The following TANK variants were observed in gnomAD, a reference collection of about 807,000 sequenced individuals.
TANK encodes the protein TRAF family member associated NFKB activator.
TANK carries 15 observed loss-of-function variants against 43.6 expected under a neutral mutation model. The observed-to-expected ratio is 0.34, with a 90% CI of 0.23 to 0.53. TANK has a LOEUF of 0.53. Ranked by LOEUF, TANK falls within the 20% of genes least tolerant of loss-of-function variation. The probability of loss-of-function intolerance (pLI) is 0.94; values close to 1 mark genes in which losing one functional copy is unlikely to be tolerated. For missense variants in TANK, 417 were observed against 498.6 expected (o/e 0.84, Z 1.56); for synonymous variants, 162 against 178.2 (o/e 0.91, Z 0.73).
intron 6 of TANK, among the ~76,000 whole-genome samples, chr2:161,227,431 G>C (rs1009046652): frequency 1.3e-5 from 2 of 152,176 alleles, no homozygotes; most frequent in Admixed American, 6.5e-5. Flanking sequence ...CAAATCTACA[G>C]TTAGGTTGCC....
At chr2:161,189,697 A>T (rs138974829) in intron 2 of TANK, among the ~76,000 whole-genome samples, 20 of 152,350 alleles carry the variant, frequency 1.3e-4, no homozygotes, top group African/African-American at 4.8e-4. Context: ...CAAATTCAGT[A>T]AAGTTACAAA....
intron 1 of TANK, among the ~76,000 whole-genome samples, chr2:161,167,177 T>C (rs1024021049): frequency 5.3e-5 from 8 of 152,250 alleles, no homozygotes; most frequent in African/African-American, 4.8e-5. Flanking sequence ...TAGACCTTAC[T>C]AAAGAATGAC....
chr2:161,179,648 A>G lies in TANK; in HGVS notation c.-15A>G, dbSNP rs375261174. The G allele has an allele frequency of 3.3e-5, 54 of 1,612,688 alleles. No homozygotes were observed. Among genetic ancestry groups the G allele is most frequent in the Non-Finnish European group, 4.3e-5 (51 of 1,179,340 alleles). ...TTACTCCATCCTTTATAGTGATGCT[A>G]CAGGACGAAGAGGAATGGATAAAAA... On this transcript the variant is annotated 5_prime_UTR_variant, in exon 2 of 8. Transcript: ENST00000392749.
At chr2:161,158,523 A>C (rs1684283922), upstream of TANK, among the ~76,000 whole-genome samples, 1 of 152,372 alleles carries the variant, frequency 6.6e-6, no homozygotes, top group Admixed American at 6.5e-5. Context: ...AAAGAGAAAA[A>C]TACGCATTTA....
chr2:161,160,393 T>C (rs1271549884), upstream of TANK: 4 of 1,239,958 alleles, frequency 3.2e-6, no homozygotes, highest in East Asian at 9.4e-5. Flanking sequence ...CACTGCCCTC[T>C]GAACTGGAAC....
At chr2:161,232,956 T>C (rs1243548686) in intron 7 of TANK, 2 of 1,174,318 alleles carry the variant, frequency 1.7e-6, no homozygotes, top group African/African-American at 3.1e-5. Flanking sequence ...TTGAAGACCA[T>C]GTTACAGTTT....
chr2:161,140,433 T>C (rs1002395147), intron 1 of TANK, among the ~76,000 whole-genome samples: 1 of 151,500 alleles, frequency 6.6e-6, no homozygotes, highest in Non-Finnish European at 1.5e-5. Context: ...TCCATAACTA[T>C]GTGGATAACC....
intron 1 of TANK, among the ~76,000 whole-genome samples, chr2:161,169,520 TGAA>T (rs1345114653): frequency 6.6e-6 from 1 of 152,116 alleles, no homozygotes; most frequent in Non-Finnish European, 1.5e-5. Context: ...TTTTCCATAA[TGAA>T]GAGACAAAAA....
intron 2 of TANK, chr2:161,201,021 A>G (rs1234714750): frequency 1.2e-6 from 1 of 820,422 alleles, no homozygotes; most frequent in Admixed American, 6.2e-5. Context: ...TGAGGAGTTC[A>G]GTCTAGAGGG....
chr2:161,185,906 A>G (rs1204000977), intron 2 of TANK, among the ~76,000 whole-genome samples: 1 of 152,236 alleles, frequency 6.6e-6, no homozygotes, highest in Non-Finnish European at 1.5e-5. Context: ...ATCACATTAC[A>G]CAACAGCCAG....
chr2:161,167,081 T>C (rs552771039), intron 1 of TANK, among the ~76,000 whole-genome samples: 42 of 152,334 alleles, frequency 2.8e-4, no homozygotes, highest in Non-Finnish European at 5.9e-4. Flanking sequence ...AGAAACAGAA[T>C]AGGCTCAGCA....
At chr2:161,179,042 T>C (rs1685301487) in intron 1 of TANK, among the ~76,000 whole-genome samples, 1 of 152,178 alleles carries the variant, frequency 6.6e-6, no homozygotes, top group African/African-American at 2.4e-5. Flanking sequence ...GGGGTAGGAC[T>C]GAAGGGATGT....
chr2:161,163,875 T>C (rs28715881), intron 1 of TANK, among the ~76,000 whole-genome samples: 10,302 of 152,302 alleles, frequency 0.068, 1,149 homozygotes, highest in African/African-American at 0.23. Flanking sequence ...AATGGTTTAC[T>C]GTTAATACCT....
intron 4 of TANK, chr2:161,207,443 A>G: frequency 1.0e-6 from 1 of 982,046 alleles, no homozygotes; most frequent in Non-Finnish European, 1.2e-6. Context: ...TAAAAATAAA[A>G]ATTAACTGTC....
intron 4 of TANK, among the ~76,000 whole-genome samples, chr2:161,222,278 A>G (rs1687384257): frequency 6.6e-6 from 1 of 152,012 alleles, no homozygotes; most frequent in African/African-American, 2.4e-5. Context: ...GTTTTGAGAC[A>G]GTCTTGCTCT....
At chr2:161,232,836 G>T (rs1233353172) in intron 7 of TANK, 60 of 1,550,356 alleles carry the variant, frequency 3.9e-5, no homozygotes, top group Non-Finnish European at 5.1e-5. Flanking sequence ...TGATGGAAAA[G>T]TATTCAGCTT....
Position 161,231,524 on chromosome 2 carries a change from G to A in TANK, c.1074G>A (p.Pro358=), listed in dbSNP as rs756973756. The change falls in exon 7 of 8, where the codon CCG becomes CCA. Residue 358 remains proline (P), a synonymous_variant. Transcript: ENST00000392749. ...SDAPFPSLDS[P]GKAIRGPQQP... is the part of the protein sequence containing the mutation. The stretch of plus-strand genomic sequence containing the variant: ...CACCTTTTCCCTCACTCGATTCCCC[G>A]GGAAAAGCAATCCGAGGACCACAGC... 2.2e-5 allele frequency: 35 copies of A among 1,612,408 alleles called. No homozygotes were observed. The highest frequency in any genetic ancestry group is 1.6e-4 in the Middle Eastern group (1 of 6,084).
At chr2:161,139,874 C>T (rs1448662783) in intron 1 of TANK, 12 of 985,216 alleles carry the variant, frequency 1.2e-5, no homozygotes, top group South Asian at 4.7e-5. Flanking sequence ...AGCTGCAGAC[C>T]GCAATTTAGT....
chr2:161,213,445 A>G (rs1686980681), intron 4 of TANK, among the ~76,000 whole-genome samples: 2 of 152,088 alleles, frequency 1.3e-5, no homozygotes, highest in African/African-American at 2.4e-5. Context: ...TCTACTAAGA[A>G]TACAAAAATT....
Sources: gnomAD v4.1 joint callset for allele counts (sites outside exome capture counted in the v4.1 genomes callset) on GRCh38, gnomAD v4.1.1 for gene constraint, MANE v1.5 for transcripts, NCBI Gene and HGNC (gene_info 2026-07-23, HGNC 2026-07-21) for gene names.